CD6: variants seen among roughly 807,000 people sequenced by gnomAD.
CD6 encodes T-cell differentiation antigen CD6.
CD6 carries 53 observed loss-of-function variants against 75.3 expected under a neutral mutation model. The ratio of observed to expected loss-of-function variants is 0.70; its 90% CI spans 0.56 to 0.88. The LOEUF (loss-of-function observed/expected upper bound fraction) is 0.88, where lower values mean the gene tolerates loss of function less well. Ranked by LOEUF, CD6 falls within the 40% of genes least tolerant of loss-of-function variation. CD6 has a pLI of 0.00. For synonymous variants in CD6, 359 were observed against 381.5 expected, an observed-to-expected ratio of 0.94 and a Z score of 0.69; for missense variants, 770 against 897.1, an observed-to-expected ratio of 0.86 and a Z score of 1.81.
rs760769362 is a variant in CD6 at position 61,015,803 on chromosome 11, C to T, written c.1478C>T (p.Ala493Val). 1.2e-6 allele frequency: 2 copies of T among 1,614,096 alleles called. No homozygotes were observed. The highest frequency in any genetic ancestry group is 1.7e-5 in the Admixed American group (1 of 60,004). The change falls in exon 9 of 13, where the codon GCC becomes GTC. Residue 493 changes from alanine (A) to valine (V), a missense_variant. Transcript: ENST00000313421. ...DSDYEHYDFS[A>V]QPPVALTTFY... ...GACTATGAGCACTATGACTTCAGCGCCCAGCCTCCTGTGGCCCTGACCACC... is the reference window on the plus strand; with the variant it reads ...GACTATGAGCACTATGACTTCAGCGTCCAGCCTCCTGTGGCCCTGACCACC...
intron 1 of CD6, among the ~76,000 whole-genome samples, chr11:60,984,865 G>A (rs1857738889): frequency 6.6e-6 from 1 of 152,218 alleles, no homozygotes; most frequent in Non-Finnish European, 1.5e-5. Flanking sequence ...CAGACTGATG[G>A]AGGAGTGAAG....
chr11:60,995,290 A>G (rs1858246352), intron 1 of CD6, among the ~76,000 whole-genome samples: 2 of 151,958 alleles, frequency 1.3e-5, no homozygotes, highest in Admixed American at 1.3e-4. Context: ...GACTACAGGC[A>G]TGCACTACCA....
At chr11:60,993,422 A>T (rs1858147921) in intron 1 of CD6, among the ~76,000 whole-genome samples, 1 of 151,366 alleles carries the variant, frequency 6.6e-6, no homozygotes, top group Non-Finnish European at 1.5e-5. Context: ...TCCCATAGCT[A>T]CCAAGGGCCA....
Position 61,007,535 on chromosome 11 carries a change from C to T in CD6, c.119-25C>T, listed in dbSNP as rs4939485. ...CCCTCTGCCCAGGCCCCACCGGTCTCAGCTCTCTGGTCTGACACTTCCAGG... is the reference window on the plus strand; with the variant it reads ...CCCTCTGCCCAGGCCCCACCGGTCTTAGCTCTCTGGTCTGACACTTCCAGG... On this transcript the variant is annotated intron_variant, in intron 2 of 12. Coordinates refer to ENST00000313421, the MANE Select transcript of CD6 (RefSeq NM_006725.5). The surrounding 1 kb of genome is among the most constrained non-coding windows in gnomAD (Gnocchi z 4.2). 459,093 of 1,435,912 alleles carry T rather than the reference C, an allele frequency of 0.32. 78,802 individuals carry two copies. The highest frequency in any genetic ancestry group is 0.56 in the East Asian group (18,456 of 33,194). 88.9% of individuals were successfully genotyped at this position (1,435,912 alleles called of 1,614,324 possible).
chr11:60,978,732 G>A (rs1170474342), intron 1 of CD6, among the ~76,000 whole-genome samples: 2 of 152,180 alleles, frequency 1.3e-5, no homozygotes, highest in East Asian at 3.8e-4. Context: ...GCATCCTGTC[G>A]TATAGAATCA....
chr11:61,018,246 G>A, intron 11 of CD6, 43 bp from the exon 12 acceptor site: 1 of 1,491,594 alleles, frequency 6.7e-7, no homozygotes, highest in Non-Finnish European at 9.1e-7. Context: ...CTTGAGAAGT[G>A]GCTGTGTGCT....
At chr11:61,003,257 G>A (rs989339072) in intron 1 of CD6, among the ~76,000 whole-genome samples, 2 of 151,458 alleles carry the variant, frequency 1.3e-5, no homozygotes, top group Non-Finnish European at 2.9e-5. Context: ...GAGCCACCAC[G>A]CCCAGCCCTA....
intron 5 of CD6, 49 bp downstream of exon 5, chr11:61,009,923 G>A (rs1859067311): frequency 6.6e-7 from 1 of 1,505,458 alleles, no homozygotes; most frequent in African/African-American, 1.4e-5. Flanking sequence ...AATTCTACCT[G>A]AATCCATGTC....
In CD6 at chr11:61,009,638, G is replaced by A. The variant is rs1238813180; in HGVS notation, c.848G>A (p.Arg283Gln). ...RCEGQVEVHF[R>Q]GVWNTVCDSE... ...GAGGGGCAGGTGGAGGTACACTTCC[G>A]AGGGGTCTGGAACACAGTGTGTGAC... is the stretch of plus-strand genomic sequence containing the variant. The change falls in exon 5 of 13, where the codon CGA becomes CAA. Residue 283 changes from arginine (R) to glutamine (Q), a missense_variant. Arg to Gln is a conservative substitution (Grantham distance 43). Coordinates refer to ENST00000313421, the MANE Select transcript of CD6 (RefSeq NM_006725.5). 9.9e-6 allele frequency: 16 copies of A among 1,613,764 alleles called. No individual in the cohort carries two copies. Among genetic ancestry groups the A allele is most frequent in the African/African-American group, 4.0e-5 (3 of 74,946 alleles).
Position 61,009,528 on chromosome 11 carries a change from CA to C in CD6, c.782-41del, listed in dbSNP as rs1404958768. 2.0e-6 allele frequency: 3 copies of C among 1,517,288 alleles called. No individual in the cohort carries two copies. The African/African-American group carries it at 4.1e-5, about 21-fold the overall frequency. 94.0% of individuals were successfully genotyped at this position (1,517,288 alleles called of 1,614,324 possible). A position where few individuals can be genotyped will look rare whatever the true frequency, so the allele number is the denominator to read the frequency against. ...GTCTGGGCTGGCGGGAATTTCTGCC[CA>C]AAGGATTCTGACCTGACTCTGTCCC... On this transcript the variant is annotated intron_variant, in intron 4 of 12. Coordinates refer to ENST00000313421, the MANE Select transcript of CD6 (RefSeq NM_006725.5).
At chr11:60,980,475 C>T (rs1251879245) in intron 1 of CD6, among the ~76,000 whole-genome samples, 1 of 152,146 alleles carries the variant, frequency 6.6e-6, no homozygotes, top group Non-Finnish European at 1.5e-5. Context: ...GCACTCCAGC[C>T]TGGACAACGG....
intron 5 of CD6, among the ~76,000 whole-genome samples, chr11:61,010,281 T>C (rs1859081071): frequency 6.6e-6 from 1 of 152,214 alleles, no homozygotes; most frequent in Non-Finnish European, 1.5e-5. Flanking sequence ...GTAGCTCTTA[T>C]TTCAGCTGAG....
intron 1 of CD6, among the ~76,000 whole-genome samples, chr11:60,995,399 C>A (rs970540886): frequency 6.6e-6 from 1 of 152,184 alleles, no homozygotes; most frequent in African/African-American, 2.4e-5. Flanking sequence ...CCCACCTCAG[C>A]CTCTCAAAGT....
chr11:60,992,124 C>G (rs544895137), intron 1 of CD6, among the ~76,000 whole-genome samples: 1 of 152,290 alleles, frequency 6.6e-6, no homozygotes, highest in African/African-American at 2.4e-5. Context: ...AAGCAATCCA[C>G]CCACCTTGGC....
chr11:60,973,236 T>G (rs1857255286), intron 1 of CD6, among the ~76,000 whole-genome samples: 1 of 152,216 alleles, frequency 6.6e-6, no homozygotes, highest in African/African-American at 2.4e-5. Context: ...GTCCGAGCCT[T>G]GGCAGCTGGC....
chr11:60,984,910 G>A (rs1488714365), intron 1 of CD6, among the ~76,000 whole-genome samples: 2 of 152,184 alleles, frequency 1.3e-5, no homozygotes, highest in African/African-American at 4.8e-5. Flanking sequence ...GGGCTTGAGG[G>A]CATAGATAAT....
In CD6 at chr11:61,018,374, G is replaced by A. The variant is rs776015571; in HGVS notation, c.1923G>A (p.Glu641=). 109 of 1,598,098 alleles carry A rather than the reference G, an allele frequency of 6.8e-5. 1 individual carries two copies. The highest frequency in any genetic ancestry group is 3.3e-4 in the Middle Eastern group (2 of 6,044). ...NFQPPPQPPS[E]EQFGCPGSPS... is the part of the protein sequence containing the mutation. ...AGCCACCACCCCAGCCCCCTTCGGA[G>A]GAGCAGTTTGGCTGTCCAGGTGCCA... The change falls in exon 12 of 13, where the codon GAG becomes GAA. Residue 641 remains glutamate (E), a synonymous_variant. Transcript: ENST00000313421.
rs1859575650 is a variant in CD6, at chr11:61,019,464, C to T, written c.*146C>T. ...GGAGAGATGGAAGGAAACGTTATAC[C>T]TTGTACCCCTCGGTCTCCATCCATC... On this transcript the variant is annotated 3_prime_UTR_variant, in exon 13 of 13. Transcript: ENST00000313421. 7.1e-6 allele frequency: 4 copies of T among 566,572 alleles called. No homozygotes were observed. In the South Asian group the frequency reaches 1.2e-4, roughly 16 times the overall value. The allele number at this position is 566,572 out of a possible 1,614,324, so 35.1% of individuals were successfully genotyped here. A position where few individuals can be genotyped will look rare whatever the true frequency, so the allele number is the denominator to read the frequency against.
intron 4 of CD6, 67 bp downstream of exon 4, chr11:61,008,912 G>A: frequency 7.3e-7 from 1 of 1,369,920 alleles, no homozygotes. Context: ...TGGGCGCCAA[G>A]CCTGGAGTTA....
Sources: allele counts gnomAD v4.1 joint callset (sites outside exome capture counted in the v4.1 genomes callset), GRCh38; gene constraint gnomAD v4.1.1; non-coding constraint Gnocchi (gnomAD v3.1); transcripts MANE v1.5; gene names NCBI Gene and HGNC (gene_info 2026-07-23, HGNC 2026-07-21).